The following ELF2 variants were observed in gnomAD, a reference collection of about 807,000 sequenced individuals.
ELF2 encodes the protein E74 like ETS transcription factor 2.
In ELF2, 11 loss-of-function variants were observed where a neutral mutation model predicts 54.8. The observed-to-expected ratio is 0.20, with a 90% CI of 0.13 to 0.33. The LOEUF (loss-of-function observed/expected upper bound fraction) is 0.33, where lower values mean the gene tolerates loss of function less well. Ranked by LOEUF, ELF2 falls within the 10% of genes least tolerant of loss-of-function variation. ELF2 has a pLI of 1.00. For missense variants in ELF2, 513 were observed against 703.0 expected, an observed-to-expected ratio of 0.73 and a Z score of 3.06; for synonymous variants, 203 against 245.1, an observed-to-expected ratio of 0.83 and a Z score of 1.61.
chr4:139,125,003 A>G (rs1736775997), intron 4 of ELF2, among the ~76,000 whole-genome samples, 161 bp downstream of exon 4: 1 of 152,234 alleles, frequency 6.6e-6, no homozygotes, highest in Non-Finnish European at 1.5e-5. Context: ...GAAGTTTTAT[A>G]TCTACACAAA....
rs578072872 is a variant in ELF2, at chr4:139,138,743, A to C, written c.-167+670T>G. On this transcript the variant is annotated intron_variant, in intron 2 of 9. Coordinates refer to ENST00000686138, the MANE Select transcript of ELF2 (RefSeq NM_001331036.3). ...TTTATTTGAATTGCTTATATTTTCA[A>C]ATAAAGTAGTTTAAAAATAAAGTAG... is the stretch of plus-strand genomic sequence containing the variant. Among the ~76,000 whole-genome samples, 175 of 152,334 alleles carry C rather than the reference A, an allele frequency of 1.1e-3. 2 individuals carry two copies. The South Asian group carries it at 0.034, about 29-fold the overall frequency.
intron 3 of ELF2, among the ~76,000 whole-genome samples, chr4:139,126,644 A>C (rs987562700): frequency 2.6e-5 from 4 of 152,214 alleles, no homozygotes; most frequent in Non-Finnish European, 5.9e-5. Flanking sequence ...TCATACTAGA[A>C]GGAAGATGAC....
intron 2 of ELF2, 122 bp from the exon 3 acceptor site, chr4:139,137,989 T>A (rs915916654): frequency 4.7e-6 from 3 of 644,242 alleles, no homozygotes; most frequent in African/African-American, 3.8e-5. Context: ...AGGCTTAACA[T>A]CCCCGTGTCA....
At position 139,151,081 on chromosome 4, in the gene ELF2, A is replaced by AAAGAAAGAAAGAAGAAAGAAAG. The variant is rs1739929938; in HGVS notation, c.-251-11585_-251-11584insCTTTCTTTCTTCTTTCTTTCTT. Among the ~76,000 whole-genome samples the AAAGAAAGAAAGAAGAAAGAAAG allele has an allele frequency of 2.8e-4, 41 of 147,090 alleles. 3 individuals carry two copies. The highest frequency in any genetic ancestry group is 1.0e-3 in the African/African-American group (38 of 37,538). ...GAAAGAAAGAAAGAAAGAAAGAAAG[A>AAAGAAAGAAAGAAGAAAGAAAG]AAGAAAGAAAGAAAAAGAGAGCTAT... On this transcript the variant is annotated intron_variant, in intron 1 of 9. Transcript: ENST00000686138.
intron 4 of ELF2, among the ~76,000 whole-genome samples, chr4:139,121,378 G>A (rs1355635753): frequency 6.6e-6 from 1 of 151,852 alleles, no homozygotes; most frequent in Non-Finnish European, 1.5e-5. Context: ...AAAGTGCTGG[G>A]ATTACAGGTG....
chr4:139,151,031 A>AGAAAGAAAGAAAGAAAGAAAGAAAG (rs1553971284), intron 1 of ELF2, among the ~76,000 whole-genome samples: 4 of 118,408 alleles, frequency 3.4e-5, no homozygotes, highest in African/African-American at 1.4e-4. Flanking sequence ...CTCAAAAAAA[A>AGAAAGAAAGAAAGAAAGAAAGAAAG]AAAAGAAAGA....
intron 3 of ELF2, 69 bp downstream of exon 3, chr4:139,137,561 A>C: frequency 6.9e-7 from 1 of 1,441,574 alleles, no homozygotes; most frequent in South Asian, 1.1e-5. Flanking sequence ...GTTTCCTATT[A>C]ATTTCAAAAT....
At chr4:139,114,638 C>CTTTTTTT (rs1320257893) in intron 4 of ELF2, among the ~76,000 whole-genome samples, 1 of 56,144 alleles carries the variant, frequency 1.8e-5, no homozygotes, top group Admixed American at 2.2e-4. Context: ...TTTTTTTTTT[C>CTTTTTTT]TTTCTTTTTT....
At position 139,166,498 on chromosome 4, in the gene ELF2, G is replaced by T. The variant is rs188693884; in HGVS notation, c.-252+10469C>A. Among the ~76,000 whole-genome samples, 609 of 152,244 alleles carry T rather than the reference G, an allele frequency of 4.0e-3. 8 individuals carry two copies. Among genetic ancestry groups the T allele is most frequent in the Non-Finnish European group, 4.6e-3 (311 of 68,020 alleles). ...CATTTCTAATAACTTTAAGCTCAAT[G>T]GACTAAAAATTTTCCAGAATTCTAA... is the stretch of plus-strand genomic sequence containing the variant. On this transcript the variant is annotated intron_variant, in intron 1 of 9. Coordinates refer to ENST00000686138, the MANE Select transcript of ELF2 (RefSeq NM_001331036.3).
chr4:139,098,421 C>T (rs1366233045), intron 4 of ELF2, among the ~76,000 whole-genome samples: 1 of 151,910 alleles, frequency 6.6e-6, no homozygotes, highest in African/African-American at 2.4e-5. Flanking sequence ...TATACCAGCT[C>T]CCTTTGATTA....
intron 1 of ELF2, among the ~76,000 whole-genome samples, chr4:139,151,075 A>AG (rs2148885214): frequency 6.8e-6 from 1 of 146,830 alleles, no homozygotes; most frequent in African/African-American, 2.5e-5. Context: ...AAAGAAAGAA[A>AG]GAAAGAAAGA....
At chr4:139,076,912 G>A (rs775968984) in intron 4 of ELF2, among the ~76,000 whole-genome samples, 1 of 151,998 alleles carries the variant, frequency 6.6e-6, no homozygotes, top group Non-Finnish European at 1.5e-5. Context: ...TATTTACAGA[G>A]TAAAATACAT....
At chr4:139,163,226 G>A (rs779538907) in intron 1 of ELF2, among the ~76,000 whole-genome samples, 1 of 152,056 alleles carries the variant, frequency 6.6e-6, no homozygotes, top group African/African-American at 2.4e-5. Flanking sequence ...TATATGAAGT[G>A]TAACAAAAAA....
intron 1 of ELF2, among the ~76,000 whole-genome samples, chr4:139,174,309 A>C (rs1466956904): frequency 6.6e-6 from 1 of 152,136 alleles, no homozygotes; most frequent in Non-Finnish European, 1.5e-5. Context: ...GCATTATGCT[A>C]AACGAAAGAA....
At chr4:139,070,297 GTT>G (rs964317787) in intron 6 of ELF2, among the ~76,000 whole-genome samples, 1 of 144,640 alleles carries the variant, frequency 6.9e-6, no homozygotes. Context: ...TAAATGTGGT[GTT>G]TTTTTTTTTG....
chr4:139,091,392 G>C (rs879285419), intron 4 of ELF2, among the ~76,000 whole-genome samples: 1 of 152,120 alleles, frequency 6.6e-6, no homozygotes, highest in African/African-American at 2.4e-5. Context: ...AAATAAACAA[G>C]CTCAGCATTT....
chr4:139,105,178 T>C (rs1214227487), intron 4 of ELF2, among the ~76,000 whole-genome samples: 1 of 152,166 alleles, frequency 6.6e-6, no homozygotes, highest in Non-Finnish European at 1.5e-5. Flanking sequence ...AATTCATGAG[T>C]TTATTATTTT....
intron 1 of ELF2, among the ~76,000 whole-genome samples, chr4:139,141,630 C>T (rs535612544): frequency 6.6e-6 from 1 of 152,200 alleles, no homozygotes; most frequent in African/African-American, 2.4e-5. Flanking sequence ...CTTGGCCCCC[C>T]ACAAAGTCTT....
At chr4:139,135,235 A>ATGTGTG (rs768773968) in intron 3 of ELF2, among the ~76,000 whole-genome samples, 34 of 131,882 alleles carry the variant, frequency 2.6e-4, no homozygotes, top group African/African-American at 5.4e-4. Flanking sequence ...ACTACTATAT[A>ATGTGTG]TATGTGTGTG....
Sources: gnomAD v4.1 joint callset for allele counts (sites outside exome capture counted in the v4.1 genomes callset) on GRCh38, gnomAD v4.1.1 for gene constraint, MANE v1.5 for transcripts, NCBI Gene and HGNC (gene_info 2026-07-23, HGNC 2026-07-21) for gene names.